The following MAP4K3 variants were observed in gnomAD, a reference collection of about 807,000 sequenced individuals.
MAP4K3 encodes mitogen-activated protein kinase kinase kinase kinase 3.
A neutral mutation model predicts 143.5 loss-of-function variants in MAP4K3; 94 were observed. That is an observed-to-expected ratio of 0.65 (90% CI 0.55 to 0.78). The LOEUF is 0.78. MAP4K3 is among the 30% of genes least tolerant of loss of function. The pLI is 0.00. For missense variants in MAP4K3, 1,077 were observed against 1,068.1 expected, an observed-to-expected ratio of 1.01 and a Z score of -0.12; for synonymous variants, 416 against 347.2, an observed-to-expected ratio of 1.20 and a Z score of -2.20.
At chr2:39,276,795 G>A (rs1681271769) in intron 24 of MAP4K3, among the ~76,000 whole-genome samples, 1 of 152,150 alleles carries the variant, frequency 6.6e-6, no homozygotes, top group African/African-American at 2.4e-5. Flanking sequence ...AATGATAAAA[G>A]CTCCCCCCAC....
chr2:39,361,635 C>A (rs2148559294), intron 2 of MAP4K3, among the ~76,000 whole-genome samples: 2 of 151,420 alleles, frequency 1.3e-5, no homozygotes. Flanking sequence ...CCCATAGGCT[C>A]CATACAAAGT....
intron 1 of MAP4K3, among the ~76,000 whole-genome samples, chr2:39,415,519 G>A (rs915356370): frequency 1.3e-5 from 2 of 152,038 alleles, no homozygotes; most frequent in Admixed American, 6.6e-5. Context: ...AAAGATAACC[G>A]TACGTATTAC....
intron 2 of MAP4K3, among the ~76,000 whole-genome samples, chr2:39,368,439 G>A (rs1665986104): frequency 6.6e-6 from 1 of 152,142 alleles, no homozygotes; most frequent in South Asian, 2.1e-4. Flanking sequence ...GGCCAAGGCA[G>A]GACAATCACT....
chr2:39,282,827 G>C (rs1020721757), intron 21 of MAP4K3, among the ~76,000 whole-genome samples: 10 of 152,150 alleles, frequency 6.6e-5, no homozygotes, highest in Admixed American at 6.5e-4. Context: ...AGACATTTTT[G>C]GTATATATGT....
intron 1 of MAP4K3, among the ~76,000 whole-genome samples, chr2:39,400,021 C>G (rs1666911221): frequency 6.6e-6 from 1 of 152,130 alleles, no homozygotes; most frequent in South Asian, 2.1e-4. Context: ...GCTCAAAGCT[C>G]AGACCCATAT....
chr2:39,372,562 C>G (rs558669970), intron 2 of MAP4K3, among the ~76,000 whole-genome samples: 4 of 149,668 alleles, frequency 2.7e-5, no homozygotes, highest in East Asian at 1.9e-4. Context: ...CTATGGTAAC[C>G]AAAACAGCAT....
chr2:39,315,134 C>T (rs1683069990), intron 13 of MAP4K3, among the ~76,000 whole-genome samples, 176 bp downstream of exon 13: 1 of 152,146 alleles, frequency 6.6e-6, no homozygotes, highest in South Asian at 2.1e-4. Flanking sequence ...CATCCTGCCA[C>T]CAAAAATTCC....
intron 32 of MAP4K3, among the ~76,000 whole-genome samples, chr2:39,254,094 G>A (rs1680253814): frequency 6.6e-6 from 1 of 152,222 alleles, no homozygotes; most frequent in South Asian, 2.1e-4. Context: ...GTACAAGGTA[G>A]AAAAGGTGCT....
chr2:39,276,397 C>T (rs1053864782), intron 24 of MAP4K3, among the ~76,000 whole-genome samples: 1 of 152,132 alleles, frequency 6.6e-6, no homozygotes, highest in African/African-American at 2.4e-5. Context: ...TCATTCAATT[C>T]GGTCAATTCT....
chr2:39,408,114 T>C (rs888152511), intron 1 of MAP4K3, among the ~76,000 whole-genome samples: 6 of 152,070 alleles, frequency 3.9e-5, no homozygotes, highest in Non-Finnish European at 7.4e-5. Flanking sequence ...CTTTTGGTTG[T>C]ACAAAACAAA....
chr2:39,256,579 G>A (rs1396030396), intron 31 of MAP4K3, among the ~76,000 whole-genome samples: 1 of 152,076 alleles, frequency 6.6e-6, no homozygotes, highest in Non-Finnish European at 1.5e-5. Context: ...AACCATCCTT[G>A]CTTTCCTGGG....
chr2:39,428,427 A>G (rs1232741424), intron 1 of MAP4K3, among the ~76,000 whole-genome samples: 3 of 152,198 alleles, frequency 2.0e-5, no homozygotes, highest in Non-Finnish European at 2.9e-5. Flanking sequence ...TAATCCCAGC[A>G]CTTTGGGAGG....
At chr2:39,261,570 T>A (rs892142274) in intron 28 of MAP4K3, among the ~76,000 whole-genome samples, 3 of 152,216 alleles carry the variant, frequency 2.0e-5, no homozygotes, top group Non-Finnish European at 4.4e-5. Flanking sequence ...ACTAGTTAAC[T>A]GCATTATTTA....
intron 2 of MAP4K3, among the ~76,000 whole-genome samples, chr2:39,374,225 T>C (rs1407836188): frequency 6.6e-6 from 1 of 152,040 alleles, no homozygotes; most frequent in Non-Finnish European, 1.5e-5. Context: ...CTACTAAAAA[T>C]ACAAAAATTA....
At chr2:39,421,846 T>A (rs1393490505) in intron 1 of MAP4K3, among the ~76,000 whole-genome samples, 1 of 152,066 alleles carries the variant, frequency 6.6e-6, no homozygotes, top group Non-Finnish European at 1.5e-5. Flanking sequence ...GCCCTTCCAC[T>A]TTATCCATTT....
At chr2:39,285,636 G>T (rs755693858) in intron 21 of MAP4K3, among the ~76,000 whole-genome samples, 2 of 151,030 alleles carry the variant, frequency 1.3e-5, no homozygotes, top group Non-Finnish European at 2.9e-5. Flanking sequence ...TTTTTAAAAA[G>T]TTAAACAGAT....
chr2:39,292,496 C>G (rs1343773702), intron 18 of MAP4K3, among the ~76,000 whole-genome samples: 4 of 152,170 alleles, frequency 2.6e-5, no homozygotes, highest in Non-Finnish European at 5.9e-5. Flanking sequence ...GTCTGCAAGC[C>G]AAGAAGGCAG....
At chr2:39,419,939 G>T (rs1558347362) in intron 1 of MAP4K3, among the ~76,000 whole-genome samples, 1 of 152,196 alleles carries the variant, frequency 6.6e-6, no homozygotes, top group Non-Finnish European at 1.5e-5. Flanking sequence ...GCAAGGTATG[G>T]AAACGGAAAG....
At chr2:39,365,088 T>C (rs962604214) in intron 2 of MAP4K3, among the ~76,000 whole-genome samples, 1 of 152,112 alleles carries the variant, frequency 6.6e-6, no homozygotes, top group African/African-American at 2.4e-5. Context: ...CATTTCAAAA[T>C]ATATCAAAGA....
Sources: allele counts gnomAD v4.1 joint callset (sites outside exome capture counted in the v4.1 genomes callset), GRCh38; gene constraint gnomAD v4.1.1; transcripts MANE v1.5; gene names NCBI Gene and HGNC (gene_info 2026-07-23, HGNC 2026-07-21).